Variants in FRMD4A observed in about 807,000 individuals in gnomAD.
FRMD4A encodes FERM domain-containing protein 4A.
Under a neutral mutation model 129.1 loss-of-function variants are expected in FRMD4A, and 29 were observed. The observed-to-expected ratio is 0.22, with a 90% CI of 0.17 to 0.31. The LOEUF (loss-of-function observed/expected upper bound fraction) is 0.31. Ranked by LOEUF, FRMD4A falls within the 10% of genes least tolerant of loss-of-function variation. The probability of loss-of-function intolerance (pLI) is 1.00; values close to 1 mark genes in which losing one functional copy is unlikely to be tolerated. For missense variants in FRMD4A, 1,272 were observed against 1,375.8 expected (o/e 0.92, Z 1.19); for synonymous variants, 634 against 571.6 (o/e 1.11, Z -1.56).
chr10:13,980,717 C>T (rs991915912), intron 2 of FRMD4A, among the ~76,000 whole-genome samples: 2 of 152,036 alleles, frequency 1.3e-5, no homozygotes, highest in Admixed American at 1.3e-4. Flanking sequence ...GAGACCCTGT[C>T]CGTAAAAATC....
rs969178381 is a variant in FRMD4A, at chr10:14,175,771, C to T, written c.45+154287G>A. On this transcript the variant is annotated intron_variant, in intron 2 of 24. Coordinates refer to ENST00000357447, the MANE Select transcript of FRMD4A (RefSeq NM_018027.5). ...AACTCCTGGCCTCAAGAGATCCTTC[C>T]GCCTCAGCCTCTCAAAGTGTTGGGA... Among the ~76,000 whole-genome samples the T allele has an allele frequency of 6.6e-5, 10 of 152,156 alleles. No individual in the cohort carries two copies. The South Asian group carries it at 1.0e-3, about 16-fold the overall frequency.
At chr10:13,783,541 C>A (rs1003260181) in intron 5 of FRMD4A, among the ~76,000 whole-genome samples, 1 of 68,714 alleles carries the variant, frequency 1.5e-5, no homozygotes, top group Non-Finnish European at 3.0e-5. Flanking sequence ...CATACCACCA[C>A]GCCTAATTTT....
At chr10:13,919,835 G>A (rs905440452) in intron 2 of FRMD4A, among the ~76,000 whole-genome samples, 28 of 152,144 alleles carry the variant, frequency 1.8e-4, no homozygotes, top group Non-Finnish European at 3.4e-4. Flanking sequence ...CCATTCGGGA[G>A]GCTGAGGCAG....
rs150235673 is a variant in FRMD4A, at chr10:14,094,581, G to A, written c.45+235477C>T. On this transcript the variant is annotated intron_variant, in intron 2 of 24. Coordinates refer to ENST00000357447, the MANE Select transcript of FRMD4A (RefSeq NM_018027.5). ...AACAGAAAACTGCAAGAGAGAGGTG[G>A]GCATGGTACTGATTCAGTGAGCCCT... Among the ~76,000 whole-genome samples the A allele has an allele frequency of 2.4e-4, 36 of 152,154 alleles. 1 individual carries two copies. The East Asian group carries it at 6.4e-3, about 27-fold the overall frequency.
At chr10:13,724,244 T>C (rs1453344854) in intron 12 of FRMD4A, among the ~76,000 whole-genome samples, 1 of 152,004 alleles carries the variant, frequency 6.6e-6, no homozygotes, top group East Asian at 1.9e-4. Context: ...AAACATTAGC[T>C]GGGCGTGGTG....
At chr10:14,016,876 G>C in intron 2 of FRMD4A, among the ~76,000 whole-genome samples, 1 of 152,240 alleles carries the variant, frequency 6.6e-6, no homozygotes, top group East Asian at 1.9e-4. Flanking sequence ...GTCGGTATCT[G>C]TGTCAGAAGG....
intron 12 of FRMD4A, among the ~76,000 whole-genome samples, chr10:13,731,763 G>A (rs1212640302): frequency 6.6e-6 from 1 of 152,050 alleles, no homozygotes; most frequent in Non-Finnish European, 1.5e-5. Context: ...TCTGGGGGAG[G>A]TGCATGCATT....
At chr10:13,792,591 C>T (rs893741045) in intron 5 of FRMD4A, among the ~76,000 whole-genome samples, 5 of 152,156 alleles carry the variant, frequency 3.3e-5, no homozygotes, top group East Asian at 1.9e-4. Flanking sequence ...CTTTTTAATT[C>T]GGAATAATCA....
intron 2 of FRMD4A, among the ~76,000 whole-genome samples, chr10:13,919,961 A>G (rs866571285): frequency 1.3e-5 from 2 of 152,076 alleles, no homozygotes; most frequent in African/African-American, 4.8e-5. Flanking sequence ...ACAAACAAAC[A>G]CACAAACAAA....
intron 2 of FRMD4A, among the ~76,000 whole-genome samples, chr10:13,952,526 A>G (rs1004831919): frequency 4.6e-5 from 7 of 152,134 alleles, no homozygotes; most frequent in Non-Finnish European, 8.8e-5. Flanking sequence ...CAACAAAAAA[A>G]GAAGACACCA....
rs139272360 is a variant in FRMD4A, at chr10:13,979,555, T to A, written c.46-120643A>T. Among the ~76,000 whole-genome samples the A allele has an allele frequency of 2.7e-3, 404 of 152,328 alleles. 1 individual carries two copies. Among genetic ancestry groups the A allele is most frequent in the African/African-American group, 9.0e-3 (375 of 41,568 alleles). On this transcript the variant is annotated intron_variant, in intron 2 of 24. Coordinates refer to ENST00000357447, the MANE Select transcript of FRMD4A (RefSeq NM_018027.5). ...GATATGAAGGAGGTGAAGTAGAATTTATAAGAGGTAAAAAGAGCTAAGAAC... is the reference window on the plus strand; with the variant it reads ...GATATGAAGGAGGTGAAGTAGAATTAATAAGAGGTAAAAAGAGCTAAGAAC...
chr10:14,071,239 C>A (rs1835304339), intron 2 of FRMD4A, among the ~76,000 whole-genome samples: 1 of 152,194 alleles, frequency 6.6e-6, no homozygotes. Context: ...TCTGAAACTA[C>A]ATGCCACATT....
intron 17 of FRMD4A, chr10:13,667,467 G>A (rs1455725700): frequency 4.6e-5 from 7 of 152,180 alleles, no homozygotes; most frequent in South Asian, 2.1e-4. Context: ...TTTTGGGACC[G>A]GGAAGAATGA....
chr10:14,217,594 C>T (rs77616966), intron 2 of FRMD4A, among the ~76,000 whole-genome samples: 9,164 of 152,178 alleles, frequency 0.06, 336 homozygotes, highest in Non-Finnish European at 0.067. Context: ...GGTTATGTCT[C>T]TATCAGCAGC....
intron 2 of FRMD4A, among the ~76,000 whole-genome samples, chr10:13,869,080 A>G (rs1308027308): frequency 6.6e-6 from 1 of 152,206 alleles, no homozygotes; most frequent in Non-Finnish European, 1.5e-5. Context: ...CTCATGCAGC[A>G]AAAGGAAATT....
chr10:14,172,502 C>T (rs1841528907), intron 2 of FRMD4A, among the ~76,000 whole-genome samples: 1 of 152,288 alleles, frequency 6.6e-6, no homozygotes, highest in Admixed American at 6.5e-5. Flanking sequence ...TAGGAAACTC[C>T]CTTCGAAGTC....
At position 14,135,442 on chromosome 10, in the gene FRMD4A, C is replaced by T. The variant is rs565906947; in HGVS notation, c.45+194616G>A. ...TACTGCCAGTTTCTGTACATCATTT[C>T]CCTTTTCTGTCTATAAATCTTCTTC... On this transcript the variant is annotated intron_variant, in intron 2 of 24. Transcript: ENST00000357447. Among the ~76,000 whole-genome samples, 18 of 152,358 alleles carry T rather than the reference C, an allele frequency of 1.2e-4. No homozygotes were observed. In the East Asian group the frequency reaches 3.5e-3, roughly 29 times the overall value.
chr10:13,736,167 C>G (rs1197590080), intron 12 of FRMD4A, among the ~76,000 whole-genome samples: 1 of 151,536 alleles, frequency 6.6e-6, no homozygotes, highest in Non-Finnish European at 1.5e-5. Flanking sequence ...AACAAACAAA[C>G]AAACAAACAA....
intron 5 of FRMD4A, among the ~76,000 whole-genome samples, chr10:13,789,112 G>A (rs2092934119): frequency 7.3e-6 from 1 of 137,268 alleles, no homozygotes; most frequent in Non-Finnish European, 1.6e-5. Context: ...AAAGCAATAA[G>A]CTGTGAGTTT....
Sources: gnomAD v4.1 joint callset for allele counts (sites outside exome capture counted in the v4.1 genomes callset) on GRCh38, gnomAD v4.1.1 for gene constraint, MANE v1.5 for transcripts, NCBI Gene and HGNC (gene_info 2026-07-23, HGNC 2026-07-21) for gene names.